Variants in TMEM8B observed in about 807,000 individuals in gnomAD.
TMEM8B encodes nasopharyngeal carcinoma expressed 6.
Under a neutral mutation model 49.3 loss-of-function variants are expected in TMEM8B, and 29 were observed. The ratio of observed to expected loss-of-function variants is 0.59; its 90% confidence interval spans 0.44 to 0.80. The LOEUF (loss-of-function observed/expected upper bound fraction) is 0.80. Ranked by LOEUF, TMEM8B falls within the 30% of genes least tolerant of loss-of-function variation. The pLI is 0.00. For synonymous variants in TMEM8B, 264 were observed against 272.8 expected, an observed-to-expected ratio of 0.97 and a Z score of 0.32; for missense variants, 575 against 658.5, an observed-to-expected ratio of 0.87 and a Z score of 1.39.
chr9:35,850,204 C>A (rs1379951754), intron 10 of TMEM8B, among the ~76,000 whole-genome samples: 1 of 152,136 alleles, frequency 6.6e-6, no homozygotes. Context: ...CCTGGATAGC[C>A]CATTTTGGAG....
rs960506182 is a variant in TMEM8B, at chr9:35,859,851, G to C, written c.*6011G>C. The C allele has an allele frequency of 2.3e-4, 35 of 153,700 alleles. No individual in the cohort carries two copies. Among genetic ancestry groups the C allele is most frequent in the African/African-American group, 8.4e-4 (35 of 41,580 alleles). 9.5% of individuals were successfully genotyped at this position (153,700 alleles called of 1,614,324 possible). ...TGCAGCACGTTCAGCCCTATGAGGA[G>C]GGCGTTCCCCAACACATTCACGGAG... is the stretch of plus-strand genomic sequence containing the variant. On this transcript the variant is annotated 3_prime_UTR_variant, in exon 13 of 13. Transcript: ENST00000643932.
chr9:35,838,430 T>A (rs1830651493), intron 3 of TMEM8B, among the ~76,000 whole-genome samples: 1 of 151,976 alleles, frequency 6.6e-6, no homozygotes, highest in African/African-American at 2.4e-5. Context: ...CTCCTCTGCT[T>A]GATCTCCAGG....
chr9:35,845,826 G>T, intron 6 of TMEM8B, 149 bp from the exon 7 acceptor site: 1 of 1,525,656 alleles, frequency 6.6e-7, no homozygotes. Context: ...TTCTGAGAAT[G>T]GAGGTGAGAG....
chr9:35,839,115 C>T (rs1830722332), intron 3 of TMEM8B, among the ~76,000 whole-genome samples: 1 of 152,252 alleles, frequency 6.6e-6, no homozygotes, highest in African/African-American at 2.4e-5. Context: ...TGTCTTTGGG[C>T]ATCTTCAGTC....
intron 10 of TMEM8B, chr9:35,847,231 C>G (rs1378114692): frequency 7.5e-7 from 1 of 1,329,686 alleles, no homozygotes; most frequent in African/African-American, 1.4e-5. Context: ...AAGTTTGGGC[C>G]TCCAGCTGTT....
In TMEM8B at chr9:35,834,471, C is replaced by T; in HGVS notation, c.519C>T (p.Phe173=). 2.4e-6 allele frequency: 1 copy of T among 416,180 alleles called. No homozygotes were observed. 25.8% of individuals were successfully genotyped at this position (416,180 alleles called of 1,614,324 possible). A position where few individuals can be genotyped will look rare whatever the true frequency, so the allele number is the denominator to read the frequency against. The change falls in exon 2 of 13, where the codon TTC becomes TTT. Residue 173 remains phenylalanine (F), a synonymous_variant. Transcript: ENST00000643932. ...TCTCCTGCTTCCCAGGAGGCCTTTTCCTGACTGATTACTCCACCTGCTCAC... is the reference window on the plus strand; with the variant it reads ...TCTCCTGCTTCCCAGGAGGCCTTTTTCTGACTGATTACTCCACCTGCTCAC... ...SVLGPGAGGL[F]LTDYSTCSPR...
At chr9:35,848,675 C>CTTTT (rs34593597) in intron 10 of TMEM8B, among the ~76,000 whole-genome samples, 1 of 132,128 alleles carries the variant, frequency 7.6e-6, no homozygotes, top group Non-Finnish European at 1.6e-5. Flanking sequence ...TGTTTTTTTT[C>CTTTT]TTTTTTTTTT....
At position 35,859,639 on chromosome 9, in the gene TMEM8B, C is replaced by A; in HGVS notation, c.*5799C>A. On this transcript the variant is annotated 3_prime_UTR_variant, in exon 13 of 13. Transcript: ENST00000643932. ...ACATAACGGTCATATGCCATCACAG[C>A]CAGCAGCAGGCACTCCGTTGATCCC... 1 of 163,896 alleles carries A rather than the reference C, an allele frequency of 6.1e-6. No homozygotes were observed. 10.2% of individuals were successfully genotyped at this position (163,896 alleles called of 1,614,324 possible). A position where few individuals can be genotyped will look rare whatever the true frequency, so the allele number is the denominator to read the frequency against.
In TMEM8B at chr9:35,855,660, C is replaced by G. The variant is rs1380904843; in HGVS notation, c.*1820C>G. On this transcript the variant is annotated 3_prime_UTR_variant, in exon 13 of 13. Coordinates refer to ENST00000643932, the MANE Select transcript of TMEM8B (RefSeq NM_001042590.4). The stretch of plus-strand genomic sequence containing the variant: ...CCACCCGCCTCGGCCTCCCAAAGTG[C>G]TGGGATTACAGTTGTGAGCCACCGC... 6.6e-6 allele frequency: 1 copy of G among 152,324 alleles called. No individual in the cohort carries two copies. The highest frequency in any genetic ancestry group is 1.9e-4 in the East Asian group (1 of 5,200). The allele number at this position is 152,324 out of a possible 1,614,324, so 9.4% of individuals were successfully genotyped here.
At position 35,829,909 on chromosome 9, in the gene TMEM8B, A is replaced by T. The variant is rs933398262; in HGVS notation, c.462A>T (p.Pro154=). ...TCAAGTCTGGGTTTCAGCTGCCGCC[A>T]GCCCTATTGCTGCTGTTGCTGTTCT... ...PRLKSGFQLP[P]ALLLLLLFSV... is the part of the protein sequence containing the mutation. Residue 154 remains proline (P), a synonymous_variant, in exon 1 of 13, where the codon CCA becomes CCT. Coordinates refer to ENST00000643932, the MANE Select transcript of TMEM8B (RefSeq NM_001042590.4). The T allele has an allele frequency of 2.4e-6, 1 of 416,014 alleles. No homozygotes were observed. The highest frequency in any genetic ancestry group is 2.1e-5 in the African/African-American group (1 of 48,700). The allele number at this position is 416,014 out of a possible 1,614,324, so 25.8% of individuals were successfully genotyped here.
At position 35,856,454 on chromosome 9, in the gene TMEM8B, T is replaced by C. The variant is rs987288537; in HGVS notation, c.*2614T>C. 1 of 152,206 alleles carries C rather than the reference T, an allele frequency of 6.6e-6. No homozygotes were observed. Among genetic ancestry groups the C allele is most frequent in the African/African-American group, 2.4e-5 (1 of 41,398 alleles). The allele number at this position is 152,206 out of a possible 1,614,324, so 9.4% of individuals were successfully genotyped here. On this transcript the variant is annotated 3_prime_UTR_variant, in exon 13 of 13. Coordinates refer to ENST00000643932, the MANE Select transcript of TMEM8B (RefSeq NM_001042590.4). ...TGGTGGAGGTAAGCAGCCAATGATA[T>C]GATTAGATAGATAAGTGGAGGTTGG...
At chr9:35,837,605 G>A (rs1830564833) in intron 3 of TMEM8B, among the ~76,000 whole-genome samples, 1 of 152,156 alleles carries the variant, frequency 6.6e-6, no homozygotes, top group Admixed American at 6.5e-5. Context: ...AGCCCTGAAA[G>A]GTTGTAAAAA....
chr9:35,840,523 C>T (rs978628415), intron 3 of TMEM8B, among the ~76,000 whole-genome samples: 6 of 152,046 alleles, frequency 3.9e-5, no homozygotes, highest in Admixed American at 3.3e-4. Flanking sequence ...TGGAGGTTGC[C>T]TGGGAAGTAA....
At chr9:35,846,421 T>A (rs1201773043) in intron 8 of TMEM8B, 40 bp downstream of exon 8, 19 of 1,600,438 alleles carry the variant, frequency 1.2e-5, no homozygotes, top group Non-Finnish European at 1.5e-5. Context: ...GGACCGGGAC[T>A]TGGCGGGGGT....
intron 1 of TMEM8B, among the ~76,000 whole-genome samples, chr9:35,832,197 GTGTA>G (rs913642062): frequency 1.3e-5 from 2 of 149,722 alleles, no homozygotes; most frequent in South Asian, 2.1e-4. Context: ...GTGTGTGTGT[GTGTA>G]TGTGTATGTG....
rs1005338329 is a variant in TMEM8B at position 35,862,819 on chromosome 9, T to C, written c.*8979T>C. 5 of 152,242 alleles carry C rather than the reference T, an allele frequency of 3.3e-5. No individual in the cohort carries two copies. Among genetic ancestry groups the C allele is most frequent in the Non-Finnish European group, 7.3e-5 (5 of 68,050 alleles). 9.4% of individuals were successfully genotyped at this position (152,242 alleles called of 1,614,324 possible). On this transcript the variant is annotated 3_prime_UTR_variant, in exon 13 of 13. Coordinates refer to ENST00000643932, the MANE Select transcript of TMEM8B (RefSeq NM_001042590.4). ...CAGCTATTAGTGGAGGTTAAGTTCATTCTGCCTTCATTATAGTTCATTTTT... is the reference window on the plus strand; with the variant it reads ...CAGCTATTAGTGGAGGTTAAGTTCACTCTGCCTTCATTATAGTTCATTTTT...
At chr9:35,836,340 T>C (rs1039194716) in intron 3 of TMEM8B, among the ~76,000 whole-genome samples, 1 of 152,242 alleles carries the variant, frequency 6.6e-6, no homozygotes, top group East Asian at 1.9e-4. Context: ...AGGTAGGCCT[T>C]GACTCTCATC....
Position 35,853,866 on chromosome 9 carries a change from G to A in TMEM8B, c.*26G>A, listed in dbSNP as rs1233672825. On this transcript the variant is annotated 3_prime_UTR_variant, in exon 13 of 13. Coordinates refer to ENST00000643932, the MANE Select transcript of TMEM8B (RefSeq NM_001042590.4). The surrounding 1 kb of genome is among the most constrained non-coding windows in gnomAD (Gnocchi z 4.2). ...GAGGGGCTTTGGGCCTGGCCCTGAG[G>A]GGATATGAATGCTTCCTAGAGTTCT... 6 of 1,513,924 alleles carry A rather than the reference G, an allele frequency of 4.0e-6. No individual in the cohort carries two copies. Among genetic ancestry groups the A allele is most frequent in the Non-Finnish European group, 4.4e-6 (5 of 1,137,054 alleles). 93.8% of individuals were successfully genotyped at this position (1,513,924 alleles called of 1,614,324 possible). A position where few individuals can be genotyped will look rare whatever the true frequency, so the allele number is the denominator to read the frequency against.
At chr9:35,849,960 A>G (rs1309695555) in intron 10 of TMEM8B, among the ~76,000 whole-genome samples, 2 of 152,246 alleles carry the variant, frequency 1.3e-5, no homozygotes, top group Non-Finnish European at 2.9e-5. Context: ...GGGGCTGTGC[A>G]GGTGTCCTTG....
Sources: allele counts gnomAD v4.1 joint callset (sites outside exome capture counted in the v4.1 genomes callset), GRCh38; gene constraint gnomAD v4.1.1; non-coding constraint Gnocchi (gnomAD v3.1); transcripts MANE v1.5; gene names NCBI Gene and HGNC (gene_info 2026-07-23, HGNC 2026-07-21).